FAR1: variants seen among roughly 807,000 people sequenced by gnomAD.
FAR1 encodes the protein male sterility domain-containing protein 2.
Under a neutral mutation model 61.1 loss-of-function variants are expected in FAR1, and 22 were observed. The observed-to-expected ratio is 0.36, with a 90% CI of 0.26 to 0.51. The LOEUF is 0.51. FAR1 is among the 20% of genes least tolerant of loss of function. FAR1 has a pLI of 0.95. For synonymous variants in FAR1, 206 were observed against 209.7 expected (o/e 0.98, Z 0.15); for missense variants, 359 against 626.9 (o/e 0.57, Z 4.56).
At chr11:13,714,787 T>C in intron 9 of FAR1, 107 bp downstream of exon 9, 1 of 981,384 alleles carries the variant, frequency 1.0e-6, no homozygotes, top group Non-Finnish European at 1.4e-6. Flanking sequence ...TAAGGCTTAA[T>C]AGCCTTTTGT....
rs1395286041 is a variant in FAR1, at chr11:13,675,666, T to C, written c.-8+6860T>C. On this transcript the variant is annotated intron_variant, in intron 1 of 11. Transcript: ENST00000354817. ...AATATCTTAATACCACATGTATTAATGGATCCATTCTTGTTAGAATGTTTG... is the reference window on the plus strand; with the variant it reads ...AATATCTTAATACCACATGTATTAACGGATCCATTCTTGTTAGAATGTTTG... Among the ~76,000 whole-genome samples, 3 of 152,336 alleles carry C rather than the reference T, an allele frequency of 2.0e-5. No homozygotes were observed. The East Asian group carries it at 5.8e-4, about 29-fold the overall frequency.
At chr11:13,706,494 TGTTTTTA>T (rs879920333) in intron 3 of FAR1, among the ~76,000 whole-genome samples, 30 of 151,838 alleles carry the variant, frequency 2.0e-4, no homozygotes, top group Non-Finnish European at 4.0e-4. Context: ...TTCGTTTGTT[TGTTTTTA>T]TTTTTTTAAT....
At chr11:13,704,719 A>G (rs947922320) in intron 3 of FAR1, among the ~76,000 whole-genome samples, 17 of 149,562 alleles carry the variant, frequency 1.1e-4, no homozygotes, top group Middle Eastern at 3.5e-3. Context: ...ATCTGTGTCT[A>G]TATTTTCATT....
rs544207185 is a variant in FAR1, at chr11:13,705,533, C to T, written c.366-2367C>T. 2.6e-3 allele frequency among the ~76,000 whole-genome samples: 394 copies of T among 152,280 alleles called. 3 individuals are homozygous for T. The highest frequency in any genetic ancestry group is 9.1e-3 in the African/African-American group (376 of 41,546). On this transcript the variant is annotated intron_variant, in intron 3 of 11. Transcript: ENST00000354817. ...TATCCTTTGTGTACTTTTCCCAAAA[C>T]ATGGCTCTTCCTGCCCCCATTGTTT...
chr11:13,702,034 G>C (rs1383619945), intron 3 of FAR1, among the ~76,000 whole-genome samples: 1 of 152,022 alleles, frequency 6.6e-6, no homozygotes, highest in East Asian at 1.9e-4. Flanking sequence ...AAATTTAAGT[G>C]ATGTCTCAGT....
At chr11:13,716,960 G>A (rs925700173) in intron 9 of FAR1, among the ~76,000 whole-genome samples, 1 of 109,256 alleles carries the variant, frequency 9.2e-6, no homozygotes, top group African/African-American at 3.8e-5. Flanking sequence ...CCCCACGACA[G>A]GCCCCCAGTG....
chr11:13,710,120 G>T (rs1848481415), intron 4 of FAR1, among the ~76,000 whole-genome samples: 1 of 151,998 alleles, frequency 6.6e-6, no homozygotes, highest in African/African-American at 2.4e-5. Context: ...TTGCAGTGCT[G>T]CACCTTAAAT....
chr11:13,724,649 C>CT (rs901296730), intron 10 of FAR1, among the ~76,000 whole-genome samples: 35 of 151,074 alleles, frequency 2.3e-4, no homozygotes, highest in Non-Finnish European at 3.8e-4. Flanking sequence ...TTCCCACTTA[C>CT]TTTTTTTATT....
intron 1 of FAR1, among the ~76,000 whole-genome samples, chr11:13,687,130 C>T (rs1848195851): frequency 6.6e-6 from 1 of 152,112 alleles, no homozygotes; most frequent in Admixed American, 6.5e-5. Context: ...ATTTTTTTTA[C>T]AGCCACTAGG....
chr11:13,709,759 A>G (rs1848477078), intron 4 of FAR1, among the ~76,000 whole-genome samples: 1 of 152,092 alleles, frequency 6.6e-6, no homozygotes, highest in Non-Finnish European at 1.5e-5. Flanking sequence ...GTACTTCCAT[A>G]TACAGAAGAA....
At chr11:13,681,651 G>A (rs1379378211) in intron 1 of FAR1, among the ~76,000 whole-genome samples, 3 of 152,172 alleles carry the variant, frequency 2.0e-5, no homozygotes, top group African/African-American at 7.2e-5. Flanking sequence ...CATGCTATAA[G>A]GAAGCCCAAA....
At position 13,729,445 on chromosome 11, in the gene FAR1, T is replaced by G. The variant is rs1848700238; in HGVS notation, c.*671T>G. Reference sequence around the variant, plus strand: ...AATGACCCTATTCGATCTAAATGGGTTTGAGAATCCATATCAGCAACATAC... The same window carrying G: ...AATGACCCTATTCGATCTAAATGGGGTTGAGAATCCATATCAGCAACATAC... On this transcript the variant is annotated 3_prime_UTR_variant, in exon 12 of 12. Transcript: ENST00000354817. 1 of 151,930 alleles carries G rather than the reference T, an allele frequency of 6.6e-6. No homozygotes were observed. The highest frequency in any genetic ancestry group is 2.4e-5 in the African/African-American group (1 of 41,428). The allele number at this position is 151,930 out of a possible 1,614,324, so 9.4% of individuals were successfully genotyped here.
intron 1 of FAR1, among the ~76,000 whole-genome samples, chr11:13,675,726 G>C (rs1186085709): frequency 6.6e-6 from 1 of 152,158 alleles, no homozygotes; most frequent in African/African-American, 2.4e-5. Flanking sequence ...GTGCAGTTGT[G>C]TGTGTGTGTT....
At chr11:13,708,761 C>G (rs942950052) in intron 4 of FAR1, among the ~76,000 whole-genome samples, 10 of 152,074 alleles carry the variant, frequency 6.6e-5, no homozygotes, top group Admixed American at 2.0e-4. Context: ...CACCACCCCC[C>G]AGCCATGGAG....
At chr11:13,688,706 T>C (rs749415763) in intron 1 of FAR1, among the ~76,000 whole-genome samples, 7 of 152,238 alleles carry the variant, frequency 4.6e-5, no homozygotes, top group Non-Finnish European at 8.8e-5. Flanking sequence ...ATGTTCTCAG[T>C]ATACTATTTA....
chr11:13,701,898 T>C (rs1262555013), intron 3 of FAR1, among the ~76,000 whole-genome samples: 2 of 152,206 alleles, frequency 1.3e-5, no homozygotes, highest in Non-Finnish European at 2.9e-5. Context: ...ACATTAGTTC[T>C]AATCTTGACC....
At chr11:13,674,487 G>A (rs1052123206) in intron 1 of FAR1, among the ~76,000 whole-genome samples, 14 of 152,076 alleles carry the variant, frequency 9.2e-5, no homozygotes, top group African/African-American at 2.2e-4. Flanking sequence ...TTTTAAGCCC[G>A]TCTTCCTTGA....
At chr11:13,714,890 T>A (rs1848538582) in intron 9 of FAR1, among the ~76,000 whole-genome samples, 1 of 152,240 alleles carries the variant, frequency 6.6e-6, no homozygotes, top group African/African-American at 2.4e-5. Flanking sequence ...GATAAGTTAT[T>A]GTCATGTATT....
chr11:13,674,714 GTTTT>G (rs901451679), intron 1 of FAR1, among the ~76,000 whole-genome samples: 1 of 152,172 alleles, frequency 6.6e-6, no homozygotes, highest in African/African-American at 2.4e-5. Flanking sequence ...GTGAATATAT[GTTTT>G]ATTTGAGCTA....
Sources: gnomAD v4.1 joint callset for allele counts (sites outside exome capture counted in the v4.1 genomes callset) on GRCh38, gnomAD v4.1.1 for gene constraint, MANE v1.5 for transcripts, NCBI Gene and HGNC (gene_info 2026-07-23, HGNC 2026-07-21) for gene names.